LARP1B: variants seen among roughly 807,000 people sequenced by gnomAD.
The protein encoded by LARP1B is La ribonucleoprotein 1B.
Under a neutral mutation model 114.2 loss-of-function variants are expected in LARP1B, and 76 were observed. The observed-to-expected ratio is 0.67, with a 90% CI of 0.55 to 0.81. The LOEUF (loss-of-function observed/expected upper bound fraction) is 0.81. Ranked by LOEUF, LARP1B falls within the 30% of genes least tolerant of loss-of-function variation. The pLI, the probability that LARP1B is intolerant of heterozygous loss-of-function variation, is 0.00. For synonymous variants in LARP1B, 345 were observed against 348.0 expected, an observed-to-expected ratio of 0.99 and a Z score of 0.10; for missense variants, 1,014 against 1,075.8, an observed-to-expected ratio of 0.94 and a Z score of 0.80.
Position 128,211,728 on chromosome 4 carries a change from AGTG to A in LARP1B, c.*1676_*1678del. The A allele has an allele frequency of 1.0e-6, 1 of 983,246 alleles. No homozygotes were observed. The highest frequency in any genetic ancestry group is 1.2e-6 in the Non-Finnish European group (1 of 827,996). The allele number at this position is 983,246 out of a possible 1,614,324, so 60.9% of individuals were successfully genotyped here. ...CTTGAAATGATCATAAATTTTTCTC[AGTG>A]TCCTTTTTGTGTTGAACACATATAT... On this transcript the variant is annotated 3_prime_UTR_variant, in exon 20 of 20. Transcript: ENST00000326639.
intron 15 of LARP1B, among the ~76,000 whole-genome samples, chr4:128,190,611 G>C: frequency 6.6e-6 from 1 of 152,116 alleles, no homozygotes; most frequent in East Asian, 1.9e-4. Flanking sequence ...TTTTATAAGT[G>C]TTTGACGGTT....
intron 9 of LARP1B, among the ~76,000 whole-genome samples, chr4:128,111,004 G>A (rs1378762894): frequency 1.3e-5 from 2 of 151,292 alleles, no homozygotes; most frequent in African/African-American, 4.9e-5. Flanking sequence ...GAGCCCAGGA[G>A]TTCCAAGGCC....
At chr4:128,069,089 G>GC in intron 1 of LARP1B, 1 of 1,035,828 alleles carries the variant, frequency 9.7e-7, no homozygotes, top group Non-Finnish European at 1.5e-6. Context: ...TAGTGTGGTG[G>GC]CACTTAAGGC....
At chr4:128,184,301 A>G (rs1749565430) in intron 15 of LARP1B, among the ~76,000 whole-genome samples, 1 of 152,260 alleles carries the variant, frequency 6.6e-6, no homozygotes, top group Admixed American at 6.5e-5. Context: ...AGCCATTCCA[A>G]CCGTCAGCAA....
intron 11 of LARP1B, chr4:128,156,152 G>A: frequency 1.9e-6 from 3 of 1,610,960 alleles, no homozygotes; most frequent in Non-Finnish European, 2.5e-6. Context: ...AGCAGCAGCA[G>A]CGGAGACCCA....
At chr4:128,082,991 A>G (rs1771174426) in intron 5 of LARP1B, among the ~76,000 whole-genome samples, 1 of 151,686 alleles carries the variant, frequency 6.6e-6, no homozygotes, top group African/African-American at 2.4e-5. Flanking sequence ...GTCCCTGGGT[A>G]CTTGAGATTA....
At chr4:128,074,108 T>C (rs1345677230) in intron 1 of LARP1B, among the ~76,000 whole-genome samples, 3 of 151,884 alleles carry the variant, frequency 2.0e-5, no homozygotes, top group Non-Finnish European at 2.9e-5. Flanking sequence ...GCCCGGCTGA[T>C]TTTGTATTTT....
chr4:128,071,978 C>T (rs1000884451), intron 1 of LARP1B, among the ~76,000 whole-genome samples: 3 of 144,098 alleles, frequency 2.1e-5, no homozygotes, highest in South Asian at 2.3e-4. Context: ...TTAAGGATAA[C>T]GTTTTATTAT....
chr4:128,159,005 TAAAAAAAAAATTA>T (rs1486652944), intron 11 of LARP1B, among the ~76,000 whole-genome samples: 6 of 124,436 alleles, frequency 4.8e-5, no homozygotes, highest in Admixed American at 7.6e-5. Flanking sequence ...CTTCATCTCT[TAAAAAAAAAATTA>T]AAAAAAAAAA....
chr4:128,119,889 A>G (rs371622139), intron 10 of LARP1B, among the ~76,000 whole-genome samples: 3 of 152,190 alleles, frequency 2.0e-5, no homozygotes, highest in East Asian at 1.9e-4. Flanking sequence ...AACTTAAGTC[A>G]TCTTCAACCC....
intron 17 of LARP1B, among the ~76,000 whole-genome samples, chr4:128,205,822 A>G (rs1220249057): frequency 1.3e-5 from 2 of 152,210 alleles, no homozygotes; most frequent in Admixed American, 1.3e-4. Flanking sequence ...TCTTTTGGCC[A>G]GTTCTTCAGA....
chr4:128,180,332 T>C (rs568963936), intron 15 of LARP1B, among the ~76,000 whole-genome samples: 2 of 152,342 alleles, frequency 1.3e-5, no homozygotes, highest in African/African-American at 4.8e-5. Flanking sequence ...TTGAAAACTT[T>C]GGGAAAATAT....
chr4:128,062,080 G>A (rs1760359999), intron 1 of LARP1B: 1 of 985,304 alleles, frequency 1.0e-6, no homozygotes. Context: ...CCCGGGAAGA[G>A]GTGGCAGCTG....
chr4:128,135,414 T>C (rs2150147201), intron 11 of LARP1B, among the ~76,000 whole-genome samples: 1 of 152,240 alleles, frequency 6.6e-6, no homozygotes, highest in Non-Finnish European at 1.5e-5. Flanking sequence ...GCAATACCAA[T>C]TCTAGGCATA....
At chr4:128,134,022 A>G (rs1243997069) in intron 11 of LARP1B, among the ~76,000 whole-genome samples, 1 of 144,444 alleles carries the variant, frequency 6.9e-6, no homozygotes, top group Non-Finnish European at 1.5e-5. Context: ...TTTTTTTAAG[A>G]CAGTTTCTCA....
chr4:128,134,602 T>G (rs1792661143), intron 11 of LARP1B, among the ~76,000 whole-genome samples: 1 of 152,140 alleles, frequency 6.6e-6, no homozygotes, highest in African/African-American at 2.4e-5. Context: ...CAAATGGAAT[T>G]CTTGAAAATT....
chr4:128,075,843 C>T (rs995079512), intron 3 of LARP1B, among the ~76,000 whole-genome samples: 6 of 151,612 alleles, frequency 4.0e-5, no homozygotes, highest in African/African-American at 4.8e-5. Context: ...CACCATACCT[C>T]GCCTATTATT....
intron 1 of LARP1B, chr4:128,061,969 G>A (rs1445089735): frequency 1.0e-6 from 1 of 985,070 alleles, no homozygotes. Context: ...TGGCGCACAA[G>A]GCGCGTGGGC....
At chr4:128,179,609 T>C in intron 15 of LARP1B, 97 bp downstream of exon 15, 2 of 697,610 alleles carry the variant, frequency 2.9e-6, no homozygotes, top group Non-Finnish European at 2.3e-6. Flanking sequence ...AAAATTAATA[T>C]GTTAGCAAAT....
Sources: gnomAD v4.1 joint callset for allele counts (sites outside exome capture counted in the v4.1 genomes callset) on GRCh38, gnomAD v4.1.1 for gene constraint, MANE v1.5 for transcripts, NCBI Gene and HGNC (gene_info 2026-07-23, HGNC 2026-07-21) for gene names.